Variants in CHLSN observed in about 807,000 individuals in gnomAD.
CHLSN encodes the protein cholesin.
chr7:1,113,544 C>T, the CHLSN span, among the ~76,000 whole-genome samples: 1 of 152,184 alleles, frequency 6.6e-6, no homozygotes, highest in African/African-American at 2.4e-5. Context: ...CCACGCCCCA[C>T]AGGATGCAGA....
the CHLSN span, among the ~76,000 whole-genome samples, chr7:1,104,080 C>T: frequency 6.6e-6 from 1 of 152,244 alleles, no homozygotes; most frequent in African/African-American, 2.4e-5. Context: ...AGGTTTCGCC[C>T]CATCTGGTTA....
At chr7:989,817 C>T in the CHLSN span, among the ~76,000 whole-genome samples, 5 of 152,044 alleles carry the variant, frequency 3.3e-5, no homozygotes, top group African/African-American at 1.2e-4. Flanking sequence ...CACAGTGGCA[C>T]ATGTGCTGGG....
At chr7:1,000,860 A>AG in the CHLSN span, among the ~76,000 whole-genome samples, 57 of 152,244 alleles carry the variant, frequency 3.7e-4, no homozygotes, top group Admixed American at 2.0e-3. Flanking sequence ...CGGATTTTAC[A>AG]GGGGGGGAAG....
At chr7:1,075,658 G>T in the CHLSN span, among the ~76,000 whole-genome samples, 1 of 148,720 alleles carries the variant, frequency 6.7e-6, no homozygotes, top group Non-Finnish European at 1.5e-5. Context: ...TGTCACCCAG[G>T]CTGGAGTGCA....
chr7:1,106,029 C>G, the CHLSN span, among the ~76,000 whole-genome samples: 1 of 152,148 alleles, frequency 6.6e-6, no homozygotes, highest in Non-Finnish European at 1.5e-5. Context: ...GCTTTCCTTG[C>G]TCAACTTTTC....
the CHLSN span, among the ~76,000 whole-genome samples, chr7:1,042,126 G>A: frequency 1.3e-5 from 2 of 151,730 alleles, no homozygotes; most frequent in Non-Finnish European, 2.9e-5. Flanking sequence ...TGCAGAATCA[G>A]GTGCACAACT....
chr7:1,131,767 TATC>T, the CHLSN span, among the ~76,000 whole-genome samples: 10 of 152,256 alleles, frequency 6.6e-5, no homozygotes, highest in Admixed American at 3.3e-4. Context: ...TTCTGTAAGT[TATC>T]ATTTAAAAAC....
At chr7:1,071,802 C>T in the CHLSN span, among the ~76,000 whole-genome samples, 1 of 152,216 alleles carries the variant, frequency 6.6e-6, no homozygotes, top group African/African-American at 2.4e-5. Flanking sequence ...GCGGGCGACA[C>T]CACATACAAC....
At chr7:1,016,764 CACA>C in the CHLSN span, among the ~76,000 whole-genome samples, 4 of 83,184 alleles carry the variant, frequency 4.8e-5, no homozygotes, top group Admixed American at 2.5e-4. Flanking sequence ...CACGCCAGCG[CACA>C]GCGCACAGCA....
At chr7:1,040,696 A>C in the CHLSN span, among the ~76,000 whole-genome samples, 1 of 151,634 alleles carries the variant, frequency 6.6e-6, no homozygotes, top group African/African-American at 2.4e-5. Flanking sequence ...AGAACAAAAA[A>C]AAAAAAAAGG....
the CHLSN span, among the ~76,000 whole-genome samples, chr7:1,002,204 TGGGTGAGTGGAGTCCTGC>T: frequency 0.072 from 5,292 of 73,926 alleles, 709 homozygotes; most frequent in African/African-American, 0.15. Context: ...GGGAGTCCTG[TGGGTGAGTGGAGTCCTGC>T]GGGTGAGTGG....
the CHLSN span, among the ~76,000 whole-genome samples, chr7:1,128,361 C>T: frequency 3.1e-4 from 2 of 6,482 alleles, no homozygotes; most frequent in South Asian, 8.1e-3. Flanking sequence ...TCGGCTCATC[C>T]CACCGTCACC....
At chr7:1,061,562 C>A in the CHLSN span, among the ~76,000 whole-genome samples, 1 of 152,182 alleles carries the variant, frequency 6.6e-6, no homozygotes, top group East Asian at 1.9e-4. Flanking sequence ...GTTCCTGAGA[C>A]ACCTGCTCAT....
the CHLSN span, among the ~76,000 whole-genome samples, chr7:1,050,811 G>A: frequency 0.16 from 23,661 of 152,166 alleles, 1,997 homozygotes; most frequent in Admixed American, 0.21. Flanking sequence ...CGGGCACACC[G>A]GAAACAGCGA....
chr7:1,133,615 G>A, the CHLSN span, among the ~76,000 whole-genome samples: 23 of 151,470 alleles, frequency 1.5e-4, no homozygotes, highest in Non-Finnish European at 2.4e-4. Context: ...TTAGCCGGGC[G>A]TGGTGGCAGG....
chr7:987,952 TC>T, the CHLSN span, among the ~76,000 whole-genome samples: 4 of 141,856 alleles, frequency 2.8e-5, no homozygotes, highest in African/African-American at 8.4e-5. Flanking sequence ...CCCCTGTGTG[TC>T]CTGGGGGTCC....
At chr7:1,001,082 G>A in the CHLSN span, among the ~76,000 whole-genome samples, 1 of 152,188 alleles carries the variant, frequency 6.6e-6, no homozygotes, top group Admixed American at 6.5e-5. Context: ...CCTGCACTAG[G>A]GCCTGTGGAC....
the CHLSN span, among the ~76,000 whole-genome samples, chr7:1,037,757 T>C: frequency 1.8e-5 from 1 of 54,944 alleles, no homozygotes; most frequent in Non-Finnish European, 3.5e-5. Context: ...GTCTGGAAAG[T>C]GAGGAGCGTC....
the CHLSN span, among the ~76,000 whole-genome samples, chr7:1,009,023 G>GTACACGTGCA: frequency 9.0e-6 from 1 of 110,836 alleles, no homozygotes; most frequent in African/African-American, 4.9e-5. Flanking sequence ...ACATACACAT[G>GTACACGTGCA]CACACACGTA....
Sources: gnomAD v4.1 joint callset for allele counts (sites outside exome capture counted in the v4.1 genomes callset) on GRCh38, gnomAD v4.1.1 for gene constraint, MANE v1.5 for transcripts, NCBI Gene and HGNC (gene_info 2026-07-23, HGNC 2026-07-21) for gene names.